The following DCPS variants were observed in gnomAD, a reference collection of about 807,000 sequenced individuals.
DCPS encodes the protein m7GpppX diphosphatase.
In DCPS, 27 loss-of-function variants were observed where a neutral mutation model predicts 34.7. The ratio of observed to expected loss-of-function variants is 0.78; its 90% CI spans 0.57 to 1.07. DCPS has a LOEUF of 1.07. DCPS is among the 50% of genes least tolerant of loss of function. The pLI is 0.00. For missense variants in DCPS, 464 were observed against 436.9 expected, an observed-to-expected ratio of 1.06 and a Z score of -0.55; for synonymous variants, 185 against 185.7, an observed-to-expected ratio of 1.00 and a Z score of 0.03.
In DCPS at chr11:126,328,739, T is replaced by A. The variant is rs1355838839; in HGVS notation, c.377-2666T>A. 2.0e-5 allele frequency among the ~76,000 whole-genome samples: 3 copies of A among 152,116 alleles called. No individual in the cohort carries two copies. Among genetic ancestry groups the A allele is most frequent in the Non-Finnish European group, 4.4e-5 (3 of 68,012 alleles). On this transcript the variant is annotated intron_variant, in intron 2 of 5. Coordinates refer to ENST00000263579, the MANE Select transcript of DCPS (RefSeq NM_014026.6). This position sits in a 1 kb window ranked among gnomAD's most constrained non-coding sequence, Gnocchi z 6.6. The stretch of plus-strand genomic sequence containing the variant: ...TGTGCCCTGCCCATCTCTCCCCCAC[T>A]CTCAGGGAGCTCCACTGCCCAACCC...
intron 2 of DCPS, among the ~76,000 whole-genome samples, chr11:126,306,987 C>A (rs960529016): frequency 2.0e-5 from 3 of 151,930 alleles, no homozygotes; most frequent in Non-Finnish European, 4.4e-5. Flanking sequence ...AAACACCTTA[C>A]AATGTACAGG....
rs1004980561 is a variant in DCPS at position 126,348,186 on chromosome 11, G to C, written c.*2573G>C. On this transcript the variant is annotated 3_prime_UTR_variant, in exon 6 of 6. Coordinates refer to ENST00000263579, the MANE Select transcript of DCPS (RefSeq NM_014026.6). The surrounding 1 kb of genome is among the most constrained non-coding windows in gnomAD (Gnocchi z 5.3). ...CAGAGGGCAGGCACTCAGGTCTGGA[G>C]AGGCAGGGCATGGAGACAGGGACCC... is the stretch of plus-strand genomic sequence containing the variant. Among the ~76,000 whole-genome samples the C allele has an allele frequency of 6.6e-6, 1 of 152,218 alleles. No homozygotes were observed. The highest frequency in any genetic ancestry group is 1.5e-5 in the Non-Finnish European group (1 of 68,036).
chr11:126,316,153 TG>T (rs1951657064), intron 2 of DCPS, among the ~76,000 whole-genome samples: 1 of 152,116 alleles, frequency 6.6e-6, no homozygotes, highest in South Asian at 2.1e-4. Context: ...AGTTTTTAGT[TG>T]CCTCTTTTTT....
chr11:126,304,159 G>C lies in DCPS; in HGVS notation c.79G>C (p.Glu27Gln), dbSNP rs1253596246. The C allele has an allele frequency of 1.9e-6, 3 of 1,614,132 alleles. No homozygotes were observed. Among genetic ancestry groups the C allele is most frequent in the African/African-American group, 2.7e-5 (2 of 74,948 alleles). ...VEEAHAASTE[E>Q]KEAGVGNGTC... is the part of the protein sequence containing the mutation. ...GGAGGCCCACGCCGCCAGCACAGAG[G>C]AAAAGGAGGCAGGAGTTGGAAATGG... The change falls in exon 1 of 6, where the codon GAA becomes CAA. Residue 27 changes from glutamate (E) to glutamine (Q), a missense_variant. Coordinates refer to ENST00000263579, the MANE Select transcript of DCPS (RefSeq NM_014026.6).
Position 126,343,357 on chromosome 11 carries a change from C to T in DCPS, c.687C>T (p.Ser229=), listed in dbSNP as rs1342214420. 6.2e-7 allele frequency: 1 copy of T among 1,613,974 alleles called. No individual in the cohort carries two copies. The highest frequency in any genetic ancestry group is 1.7e-5 in the Admixed American group (1 of 59,986). The part of the protein sequence containing the change: ...IAICHRRGIR[S]LRDLTPEHLP... ...TCTGCCATCGCCGGGGCATCAGATCCCTACGCGACCTTACTCCGGAGCACT... is the reference window on the plus strand; with the variant it reads ...TCTGCCATCGCCGGGGCATCAGATCTCTACGCGACCTTACTCCGGAGCACT... The change falls in exon 5 of 6, where the codon TCC becomes TCT. Residue 229 remains serine (S), a synonymous_variant. Coordinates refer to ENST00000263579, the MANE Select transcript of DCPS (RefSeq NM_014026.6).
rs1951960494 is a variant in DCPS, at chr11:126,348,700, T to C, written c.*3087T>C. ...TAGTGCCTCCTTTTATTCCTATTTGTGAGTTTCTCCGCTTTCCTCACTAGA... is the reference window on the plus strand; with the variant it reads ...TAGTGCCTCCTTTTATTCCTATTTGCGAGTTTCTCCGCTTTCCTCACTAGA... On this transcript the variant is annotated 3_prime_UTR_variant, in exon 6 of 6. Coordinates refer to ENST00000263579, the MANE Select transcript of DCPS (RefSeq NM_014026.6). This position sits in a 1 kb window ranked among gnomAD's most constrained non-coding sequence, Gnocchi z 5.3. Among the ~76,000 whole-genome samples, 1 of 152,240 alleles carries C rather than the reference T, an allele frequency of 6.6e-6. No homozygotes were observed. The highest frequency in any genetic ancestry group is 2.4e-5 in the African/African-American group (1 of 41,470).
intron 2 of DCPS, among the ~76,000 whole-genome samples, chr11:126,309,325 C>G (rs1183413740): frequency 6.6e-6 from 1 of 152,150 alleles, no homozygotes; most frequent in Non-Finnish European, 1.5e-5. Flanking sequence ...TTCCTGCCTT[C>G]TTGGTATATA....
rs994216510 is a variant in DCPS, at chr11:126,323,317, A to T, written c.377-8088A>T. Among the ~76,000 whole-genome samples, 1 of 152,204 alleles carries T rather than the reference A, an allele frequency of 6.6e-6. No individual in the cohort carries two copies. Among genetic ancestry groups the T allele is most frequent in the Non-Finnish European group, 1.5e-5 (1 of 68,034 alleles). ...TTTTAATCCTCTTATCTGGGAAACA[A>T]TTTTCAAAATACAATTATTGTTTTA... On this transcript the variant is annotated intron_variant, in intron 2 of 5. Transcript: ENST00000263579. This position sits in a 1 kb window ranked among gnomAD's most constrained non-coding sequence, Gnocchi z 4.4.
At position 126,338,120 on chromosome 11, in the gene DCPS, T is replaced by C. The variant is rs528024229; in HGVS notation, c.523-166T>C. On this transcript the variant is annotated intron_variant, in intron 3 of 5. Transcript: ENST00000263579. The surrounding 1 kb of genome is among the most constrained non-coding windows in gnomAD (Gnocchi z 5.4). ...TCCCTTCTGGACCCCTAAGAACAGA[T>C]GCTTGGGGACAGGGCAGCCCGGATG... The C allele has an allele frequency of 1.7e-4, 109 of 637,396 alleles. No individual in the cohort carries two copies. The African/African-American group carries it at 1.8e-3, about 10-fold the overall frequency. The allele number at this position is 637,396 out of a possible 1,614,324, so 39.5% of individuals were successfully genotyped here.
intron 2 of DCPS, among the ~76,000 whole-genome samples, chr11:126,314,835 G>A (rs1951645984): frequency 6.6e-6 from 1 of 152,122 alleles, no homozygotes; most frequent in Non-Finnish European, 1.5e-5. Flanking sequence ...TTAGAGGAAA[G>A]GGTGGGGAGT....
Position 126,350,003 on chromosome 11 carries a change from C to T in DCPS, c.*4390C>T, listed in dbSNP as rs1185367058. Among the ~76,000 whole-genome samples, 1 of 152,188 alleles carries T rather than the reference C, an allele frequency of 6.6e-6. No homozygotes were observed. Among genetic ancestry groups the T allele is most frequent in the East Asian group, 1.9e-4 (1 of 5,198 alleles). On this transcript the variant is annotated 3_prime_UTR_variant, in exon 6 of 6. Transcript: ENST00000263579. This position sits in a 1 kb window ranked among gnomAD's most constrained non-coding sequence, Gnocchi z 5.0. ...ATAAACAGGCTTTGAGCATCTACCCCCACCCCCTTTTGGTTTTTTTGCAAG... is the reference window on the plus strand; with the variant it reads ...ATAAACAGGCTTTGAGCATCTACCCTCACCCCCTTTTGGTTTTTTTGCAAG...
rs1283117378 is a variant in DCPS at position 126,334,314 on chromosome 11, G to A, written c.522+2764G>A. Among the ~76,000 whole-genome samples, 1 of 152,084 alleles carries A rather than the reference G, an allele frequency of 6.6e-6. No homozygotes were observed. The highest frequency in any genetic ancestry group is 2.4e-5 in the African/African-American group (1 of 41,380). Reference sequence around the variant, plus strand: ...TCCAAGAACTGCTCTAAGCATTTATGCGCATCACACCTCATTTATTTATTT... The same window carrying A: ...TCCAAGAACTGCTCTAAGCATTTATACGCATCACACCTCATTTATTTATTT... On this transcript the variant is annotated intron_variant, in intron 3 of 5. Coordinates refer to ENST00000263579, the MANE Select transcript of DCPS (RefSeq NM_014026.6). This position sits in a 1 kb window ranked among gnomAD's most constrained non-coding sequence, Gnocchi z 5.5.
At position 126,325,409 on chromosome 11, in the gene DCPS, A is replaced by C. The variant is rs1300173162; in HGVS notation, c.377-5996A>C. ...TCTGTGTATATGTGTGTGTTTGTGC[A>C]TGTGTGTGCATTTGGTGAAGGGATG... On this transcript the variant is annotated intron_variant, in intron 2 of 5. Transcript: ENST00000263579. The surrounding 1 kb of genome is among the most constrained non-coding windows in gnomAD (Gnocchi z 4.3). 6.6e-6 allele frequency among the ~76,000 whole-genome samples: 1 copy of C among 152,192 alleles called. No homozygotes were observed.
rs772829450 is a variant in DCPS, at chr11:126,304,060, G to A, written c.-21G>A. On this transcript the variant is annotated 5_prime_UTR_variant, in exon 1 of 6. Transcript: ENST00000263579. ...CGGGGCCAGCGCAGGGGGCGCAGGC[G>A]CACACCGCCTCCGCGGCAGCATGGC... 2.0e-5 allele frequency: 32 copies of A among 1,568,128 alleles called. No homozygotes were observed. The East Asian group carries it at 5.5e-4, about 27-fold the overall frequency.
intron 4 of DCPS, 103 bp from the exon 5 acceptor site, chr11:126,343,204 C>CCT: frequency 1.2e-6 from 1 of 861,068 alleles, no homozygotes; most frequent in Non-Finnish European, 1.9e-6. Context: ...GTGCTGTAGG[C>CCT]CTCAGGGGTG....
rs1951541427 is a variant in DCPS, at chr11:126,304,078, A to G, written c.-3A>G. 4 of 1,592,368 alleles carry G rather than the reference A, an allele frequency of 2.5e-6. No individual in the cohort carries two copies. Among genetic ancestry groups the G allele is most frequent in the South Asian group, 1.1e-5 (1 of 89,180 alleles). ...CGCAGGCGCACACCGCCTCCGCGGCAGCATGGCGGACGCAGCTCCTCAACT... is the reference window on the plus strand; with the variant it reads ...CGCAGGCGCACACCGCCTCCGCGGCGGCATGGCGGACGCAGCTCCTCAACT... On this transcript the variant is annotated 5_prime_UTR_variant, in exon 1 of 6. Transcript: ENST00000263579.
Position 126,313,571 on chromosome 11 carries a change from A to G in DCPS, c.376+6827A>G, listed in dbSNP as rs1951634692. Among the ~76,000 whole-genome samples the G allele has an allele frequency of 6.6e-6, 1 of 152,192 alleles. No individual in the cohort carries two copies. Among genetic ancestry groups the G allele is most frequent in the African/African-American group, 2.4e-5 (1 of 41,452 alleles). On this transcript the variant is annotated intron_variant, in intron 2 of 5. Transcript: ENST00000263579. The surrounding 1 kb of genome is among the most constrained non-coding windows in gnomAD (Gnocchi z 4.9). ...CCATGTAGGGCAAGAAAAGCATGAC[A>G]CAGAATACACATGGTGCGATTAAAA... is the stretch of plus-strand genomic sequence containing the variant.
intron 1 of DCPS, among the ~76,000 whole-genome samples, chr11:126,306,132 G>A (rs761029317): frequency 6.6e-6 from 1 of 152,144 alleles, no homozygotes; most frequent in Non-Finnish European, 1.5e-5. Flanking sequence ...CAGCACTTTG[G>A]GAGGCTGAGG....
chr11:126,330,988 G>A (rs663913), intron 2 of DCPS, among the ~76,000 whole-genome samples: 37,061 of 151,462 alleles, frequency 0.24, 4,557 homozygotes, highest in Admixed American at 0.26. Flanking sequence ...CGCCTGCCTC[G>A]GCCTCCCAAA....
Sources: gnomAD v4.1 joint callset for allele counts (sites outside exome capture counted in the v4.1 genomes callset) on GRCh38, gnomAD v4.1.1 for gene constraint, Gnocchi (gnomAD v3.1) non-coding constraint, MANE v1.5 for transcripts, NCBI Gene and HGNC (gene_info 2026-07-23, HGNC 2026-07-21) for gene names.